CDYL: variants seen among roughly 807,000 people sequenced by gnomAD.
CDYL encodes the protein chromodomain Y-like protein.
A neutral mutation model predicts 47.3 loss-of-function variants in CDYL; 8 were observed. The observed-to-expected ratio is 0.17, with a 90% CI of 0.10 to 0.31. The LOEUF (loss-of-function observed/expected upper bound fraction) is 0.31. Ranked by LOEUF, CDYL falls within the 10% of genes least tolerant of loss-of-function variation. The pLI, the probability that CDYL is intolerant of heterozygous loss-of-function variation, is 1.00. For missense variants in CDYL, 471 were observed against 701.4 expected, an observed-to-expected ratio of 0.67 and a Z score of 3.71; for synonymous variants, 266 against 265.0, an observed-to-expected ratio of 1.00 and a Z score of -0.04.
chr6:4,749,452 G>A (rs1334661197), intron 3 of CDYL, among the ~76,000 whole-genome samples: 1 of 152,010 alleles, frequency 6.6e-6, no homozygotes, highest in Non-Finnish European at 1.5e-5. Context: ...TGGATGGATG[G>A]ATGGATATGT....
chr6:4,939,467 A>G (rs930306237), intron 4 of CDYL, among the ~76,000 whole-genome samples: 12 of 152,132 alleles, frequency 7.9e-5, no homozygotes, highest in African/African-American at 1.4e-4. Context: ...CAGAATTACT[A>G]TATTTTCTCA....
rs3811107 is a variant in CDYL at position 4,951,081 on chromosome 6, A to G, written c.1333-1185A>G. 5.3e-5 allele frequency among the ~76,000 whole-genome samples: 8 copies of G among 152,260 alleles called. No individual in the cohort carries two copies. In the East Asian group the frequency reaches 1.5e-3, roughly 29 times the overall value. On this transcript the variant is annotated intron_variant, in intron 5 of 6. Transcript: ENST00000397588. ...GTGCTCTCCAAGCTGCGGGTTTCAC[A>G]TGCAGTAAACGGCATCAAGACATTG...
intron 2 of CDYL, among the ~76,000 whole-genome samples, chr6:4,732,674 G>A (rs77545248): frequency 6.3e-5 from 8 of 126,644 alleles, no homozygotes; most frequent in African/African-American, 2.3e-4. Context: ...TAAAAAAAAA[G>A]AGGGGGGGAT....
At chr6:4,845,857 C>G (rs973479631) in intron 1 of CDYL, among the ~76,000 whole-genome samples, 37 of 152,152 alleles carry the variant, frequency 2.4e-4, no homozygotes, top group Non-Finnish European at 4.6e-4. Flanking sequence ...GGATTTGGCC[C>G]GCAGACCAAT....
chr6:4,715,970 C>T (rs1353591875), intron 2 of CDYL: 63 of 1,522,840 alleles, frequency 4.1e-5, no homozygotes, highest in Non-Finnish European at 5.3e-5. Flanking sequence ...TTTTACTGGC[C>T]GGGCACGGTG....
chr6:4,954,222 A>G lies in CDYL; in HGVS notation c.*166A>G, dbSNP rs1758801158. 1.6e-6 allele frequency: 1 copy of G among 619,384 alleles called. No individual in the cohort carries two copies. The highest frequency in any genetic ancestry group is 2.6e-6 in the Non-Finnish European group (1 of 380,638). The allele number at this position is 619,384 out of a possible 1,614,324, so 38.4% of individuals were successfully genotyped here. The stretch of plus-strand genomic sequence containing the variant: ...GCTATTTATTATCGAGGAGTTTTAA[A>G]GTACTGTAACTTTAAAATAAATAAC... On this transcript the variant is annotated 3_prime_UTR_variant, in exon 7 of 7. Transcript: ENST00000397588.
chr6:4,725,445 T>A (rs1757491841), intron 2 of CDYL, among the ~76,000 whole-genome samples: 2 of 152,178 alleles, frequency 1.3e-5, no homozygotes, highest in Non-Finnish European at 2.9e-5. Flanking sequence ...GGCTCAGGCA[T>A]GGCGGGCTGC....
chr6:4,784,477 A>C (rs1758700167), intron 1 of CDYL, among the ~76,000 whole-genome samples: 1 of 152,228 alleles, frequency 6.6e-6, no homozygotes, highest in South Asian at 2.1e-4. Flanking sequence ...GCTTTGAACC[A>C]ACACTTGAGA....
At chr6:4,793,797 G>A (rs1472730215) in intron 1 of CDYL, among the ~76,000 whole-genome samples, 1 of 152,122 alleles carries the variant, frequency 6.6e-6, no homozygotes, top group African/African-American at 2.4e-5. Flanking sequence ...CCCATGGATG[G>A]ATATCGGATA....
chr6:4,814,670 C>T (rs1253546563), intron 1 of CDYL, among the ~76,000 whole-genome samples: 7 of 152,072 alleles, frequency 4.6e-5, no homozygotes, highest in South Asian at 2.1e-4. Context: ...GGATTACAGC[C>T]GGCTACCATG....
intron 3 of CDYL, among the ~76,000 whole-genome samples, chr6:4,767,418 C>G (rs189900934): frequency 3.1e-4 from 47 of 152,136 alleles, no homozygotes; most frequent in African/African-American, 9.6e-4. Flanking sequence ...ACCAGAAATA[C>G]AAAAATTACC....
intron 1 of CDYL, among the ~76,000 whole-genome samples, chr6:4,861,838 A>G (rs1474065726): frequency 6.6e-6 from 1 of 152,030 alleles, no homozygotes; most frequent in African/African-American, 2.4e-5. Context: ...TGACTTCTCC[A>G]CTCAGCAAGC....
At chr6:4,829,155 G>T (rs1341991073) in intron 1 of CDYL, among the ~76,000 whole-genome samples, 1 of 151,978 alleles carries the variant, frequency 6.6e-6, no homozygotes, top group African/African-American at 2.4e-5. Context: ...GGTTTTTGTT[G>T]TTGTTACTGT....
At chr6:4,712,613 AC>A (rs1159626978) in intron 1 of CDYL, among the ~76,000 whole-genome samples, 1 of 152,230 alleles carries the variant, frequency 6.6e-6, no homozygotes, top group African/African-American at 2.4e-5. Flanking sequence ...GTGTCTTTCC[AC>A]ACTGGGATAT....
At chr6:4,801,594 G>A (rs1312501908) in intron 1 of CDYL, among the ~76,000 whole-genome samples, 2 of 152,066 alleles carry the variant, frequency 1.3e-5, no homozygotes, top group East Asian at 3.8e-4. Context: ...CTGCTCTTAG[G>A]TCTTTGCACT....
rs1561692299 is a variant in CDYL, at chr6:4,894,878, TG to T, written c.691+2500del. ...GTGTATATGTGTATATACACACATG[TG>T]TATGTGTGTGTATATATACACACGT... On this transcript the variant is annotated intron_variant, in intron 2 of 6. Coordinates refer to ENST00000397588, the MANE Select transcript of CDYL (RefSeq NM_004824.4). Among the ~76,000 whole-genome samples the T allele has an allele frequency of 2.0e-5, 3 of 148,106 alleles. No homozygotes were observed. The South Asian group carries it at 6.4e-4, about 31-fold the overall frequency.
At chr6:4,758,351 A>ATATATATATATATATAT (rs1758108099) in intron 3 of CDYL, among the ~76,000 whole-genome samples, 80 of 129,064 alleles carry the variant, frequency 6.2e-4, no homozygotes, top group South Asian at 2.8e-3. Flanking sequence ...AAAATAAATA[A>ATATATATATATATATAT]ATATATATAT....
intron 1 of CDYL, among the ~76,000 whole-genome samples, chr6:4,881,065 T>A (rs1350079961): frequency 6.6e-6 from 1 of 152,204 alleles, no homozygotes. Context: ...GCATCATTTG[T>A]AGATAGCATG....
At chr6:4,835,574 G>A (rs955635924) in intron 1 of CDYL, among the ~76,000 whole-genome samples, 14 of 152,174 alleles carry the variant, frequency 9.2e-5, no homozygotes, top group East Asian at 1.9e-4. Flanking sequence ...CTCCAGCTGC[G>A]TGCTGGGAGA....
Sources: allele counts gnomAD v4.1 joint callset (sites outside exome capture counted in the v4.1 genomes callset), GRCh38; gene constraint gnomAD v4.1.1; transcripts MANE v1.5; gene names NCBI Gene and HGNC (gene_info 2026-07-23, HGNC 2026-07-21).